KIF21A: variants seen among roughly 807,000 people sequenced by gnomAD.
The protein encoded by KIF21A is kinesin-like protein KIF21A.
KIF21A carries 114 observed loss-of-function variants against 202.9 expected under a neutral mutation model. The ratio of observed to expected loss-of-function variants is 0.56; its 90% CI spans 0.48 to 0.66. The LOEUF (loss-of-function observed/expected upper bound fraction) is 0.66. Ranked by LOEUF, KIF21A falls within the 30% of genes least tolerant of loss-of-function variation. The probability of loss-of-function intolerance (pLI) is 0.00; values close to 1 mark genes in which losing one functional copy is unlikely to be tolerated. For missense variants in KIF21A, 1,677 were observed against 1,994.9 expected (o/e 0.84, Z 3.04); for synonymous variants, 667 against 670.8 (o/e 0.99, Z 0.09).
chr12:39,439,779 G>A (rs1367940466), intron 1 of KIF21A, among the ~76,000 whole-genome samples: 1 of 152,050 alleles, frequency 6.6e-6, no homozygotes, highest in African/African-American at 2.4e-5. Context: ...CTGTAAAAAG[G>A]TATTTTTGGA....
At chr12:39,418,233 A>G (rs572093922) in intron 1 of KIF21A, among the ~76,000 whole-genome samples, 4 of 152,242 alleles carry the variant, frequency 2.6e-5, no homozygotes, top group Non-Finnish European at 5.9e-5. Context: ...ATAGACAGAA[A>G]AACATCCAGA....
At chr12:39,355,709 A>T (rs1358031445) in intron 10 of KIF21A, among the ~76,000 whole-genome samples, 44 of 69,734 alleles carry the variant, frequency 6.3e-4, no homozygotes, top group South Asian at 1.3e-3. Flanking sequence ...ATGAACAATT[A>T]TATATATATA....
chr12:39,330,853 T>A lies in KIF21A; in HGVS notation c.3212A>T (p.Gln1071Leu). 6.2e-7 allele frequency: 1 copy of A among 1,614,082 alleles called. No individual in the cohort carries two copies. ...QIKVLEGRLK[Q>L]TEITSATQNQ... ...TTGGGTAGCACTGGTTATTTCTGTTTGTTTGAGTCGACCTTCCAGTACTTT... is the reference window on the plus strand; with the variant it reads ...TTGGGTAGCACTGGTTATTTCTGTTAGTTTGAGTCGACCTTCCAGTACTTT... Residue 1071 changes from glutamine (Q) to leucine (L), a missense_variant, in exon 23 of 38, where the codon CAA (glutamine) becomes CTA (leucine). By Grantham distance (113) the Gln-to-Leu change is moderately radical. Transcript: ENST00000361418.
chr12:39,363,036 T>C, intron 7 of KIF21A, 62 bp downstream of exon 7: 2 of 1,074,326 alleles, frequency 1.9e-6, no homozygotes, highest in Non-Finnish European at 2.9e-6. Flanking sequence ...TAAATCATCT[T>C]ACAAGCTTAT....
At chr12:39,365,931 A>G (rs1028931584) in intron 6 of KIF21A, among the ~76,000 whole-genome samples, 14 of 152,214 alleles carry the variant, frequency 9.2e-5, no homozygotes, top group African/African-American at 2.7e-4. Context: ...TGAGCCCGTG[A>G]GGTCAAGGCT....
chr12:39,363,018 A>T (rs547723918), intron 7 of KIF21A, 80 bp downstream of exon 7: 2 of 904,760 alleles, frequency 2.2e-6, no homozygotes, highest in South Asian at 2.6e-5. Flanking sequence ...CAATAAAAGT[A>T]GTTCTTATAA....
chr12:39,426,322 T>TGTACACGCATAC lies in KIF21A; in HGVS notation c.44+16604_44+16605insGTATGCGTGTAC, dbSNP rs530539961. Among the ~76,000 whole-genome samples the TGTACACGCATAC allele has an allele frequency of 4.3e-3, 654 of 152,378 alleles. 3 individuals are homozygous for TGTACACGCATAC. The highest frequency in any genetic ancestry group is 0.017 in the Middle Eastern group (5 of 294). On this transcript the variant is annotated intron_variant, in intron 1 of 37. Coordinates refer to ENST00000361418, the MANE Select transcript of KIF21A (RefSeq NM_001173464.2). ...GCGAATATGTGTGAGTATACACACATGTACACGCATGTATGCGTGTACTCA... is the reference window on the plus strand; with the variant it reads ...GCGAATATGTGTGAGTATACACACATGTACACGCATACGTACACGCATGTATGCGTGTACTCA...
Position 39,366,337 on chromosome 12 carries a change from G to T in KIF21A, c.903+13C>A. On this transcript the variant is annotated intron_variant, in intron 6 of 37. Coordinates refer to ENST00000361418, the MANE Select transcript of KIF21A (RefSeq NM_001173464.2). ...AGCTCTGATATATTCTCAGCACAAAGCCTTAATCTTACAAGTCCACAGTTG... is the reference window on the plus strand; with the variant it reads ...AGCTCTGATATATTCTCAGCACAAATCCTTAATCTTACAAGTCCACAGTTG... 6.2e-7 allele frequency: 1 copy of T among 1,610,340 alleles called. No homozygotes were observed. The highest frequency in any genetic ancestry group is 8.5e-7 in the Non-Finnish European group (1 of 1,176,610).
intron 1 of KIF21A, among the ~76,000 whole-genome samples, chr12:39,436,609 G>A (rs1305269205): frequency 7.3e-6 from 1 of 137,010 alleles, no homozygotes; most frequent in Non-Finnish European, 1.5e-5. Flanking sequence ...ACACCACAAC[G>A]CCAGCTTTAA....
chr12:39,371,406 C>T (rs1359461417), intron 1 of KIF21A, among the ~76,000 whole-genome samples: 1 of 152,188 alleles, frequency 6.6e-6, no homozygotes, highest in Non-Finnish European at 1.5e-5. Flanking sequence ...CAACACCATC[C>T]TATCTGTCTT....
At chr12:39,346,166 AG>A (rs1401531386) in intron 12 of KIF21A, among the ~76,000 whole-genome samples, 2 of 151,978 alleles carry the variant, frequency 1.3e-5, no homozygotes, top group Non-Finnish European at 2.9e-5. Flanking sequence ...CAGGGGTTTT[AG>A]GGTTATTTTT....
At chr12:39,366,295 C>A (rs937683239) in intron 6 of KIF21A, 55 bp downstream of exon 6, 1 of 1,488,480 alleles carries the variant, frequency 6.7e-7, no homozygotes, top group Non-Finnish European at 9.4e-7. Flanking sequence ...TTACAAAAGA[C>A]AAAAGGACAA....
chr12:39,317,741 T>C (rs1425405066), intron 29 of KIF21A, among the ~76,000 whole-genome samples: 3 of 152,214 alleles, frequency 2.0e-5, no homozygotes, highest in Non-Finnish European at 2.9e-5. Flanking sequence ...TTTTGTGGGC[T>C]CACAGAAGCT....
At chr12:39,411,797 G>A (rs991848820) in intron 1 of KIF21A, among the ~76,000 whole-genome samples, 3 of 152,020 alleles carry the variant, frequency 2.0e-5, no homozygotes, top group African/African-American at 4.8e-5. Flanking sequence ...TCGGCTTCTC[G>A]AAGTGCTGGG....
chr12:39,408,511 C>T (rs1952796418), intron 1 of KIF21A, among the ~76,000 whole-genome samples: 1 of 152,028 alleles, frequency 6.6e-6, no homozygotes, highest in South Asian at 2.1e-4. Context: ...TAAAGAAATA[C>T]AGAATTTCAA....
intron 33 of KIF21A, among the ~76,000 whole-genome samples, chr12:39,308,765 ATATAT>A (rs1181684085): frequency 2.0e-4 from 31 of 152,102 alleles, no homozygotes; most frequent in Admixed American, 1.4e-3. Context: ...CTAACATAAG[ATATAT>A]TATATCTTAA....
At chr12:39,367,523 C>G (rs865798823) in intron 4 of KIF21A, among the ~76,000 whole-genome samples, 2 of 152,290 alleles carry the variant, frequency 1.3e-5, no homozygotes, top group African/African-American at 4.8e-5. Context: ...TCTCAACAAT[C>G]TCCCTCTAGG....
chr12:39,389,750 AT>A (rs1292777403), intron 1 of KIF21A, among the ~76,000 whole-genome samples: 3 of 152,046 alleles, frequency 2.0e-5, no homozygotes, highest in South Asian at 4.2e-4. Flanking sequence ...AGTGCAGGGC[AT>A]TTTTTTTCTG....
intron 1 of KIF21A, among the ~76,000 whole-genome samples, chr12:39,371,857 A>G (rs939526855): frequency 6.6e-6 from 1 of 151,712 alleles, no homozygotes; most frequent in Non-Finnish European, 1.5e-5. Flanking sequence ...TGAACCCAGG[A>G]GGTGAAGGTT....
Sources: allele counts gnomAD v4.1 joint callset (sites outside exome capture counted in the v4.1 genomes callset), GRCh38; gene constraint gnomAD v4.1.1; transcripts MANE v1.5; gene names NCBI Gene and HGNC (gene_info 2026-07-23, HGNC 2026-07-21).